Variants in AFF1 observed in about 807,000 individuals in gnomAD.
AFF1 encodes AF4/FMR2 family member 1.
AFF1 carries 48 observed loss-of-function variants against 121.7 expected under a neutral mutation model. That is an observed-to-expected ratio of 0.39 (90% CI 0.31 to 0.50). The LOEUF (loss-of-function observed/expected upper bound fraction) is 0.50, where lower values mean the gene tolerates loss of function less well. AFF1 is among the 20% of genes least tolerant of loss of function. The pLI, the probability that AFF1 is intolerant of heterozygous loss-of-function variation, is 0.76. For synonymous variants in AFF1, 613 were observed against 563.0 expected, an observed-to-expected ratio of 1.09 and a Z score of -1.26; for missense variants, 1,523 against 1,511.7, an observed-to-expected ratio of 1.01 and a Z score of -0.12.
Position 87,114,557 on chromosome 4 carries a change from G to C in AFF1, c.1724G>C (p.Ser575Thr). The change falls in exon 12 of 21, where the codon AGC (serine) becomes ACC (threonine). Residue 575 changes from serine to threonine, a missense_variant. Coordinates refer to ENST00000395146, the MANE Select transcript of AFF1 (RefSeq NM_001166693.3). ...AAAGATCCTCCCCCTAAAAGCTCCA[G>C]CAAAGCCCCCCGGGCCCCACCCGAA... ...ESKDPPPKSSSKAPRAPPEAP... is the reference protein window; with the variant it reads ...ESKDPPPKSSTKAPRAPPEAP... 1 of 1,609,106 alleles carries C rather than the reference G, an allele frequency of 6.2e-7. No individual in the cohort carries two copies. The highest frequency in any genetic ancestry group is 8.5e-7 in the Non-Finnish European group (1 of 1,178,064).
chr4:86,978,307 C>T (rs1723469390), intron 2 of AFF1, among the ~76,000 whole-genome samples: 1 of 149,310 alleles, frequency 6.7e-6, no homozygotes, highest in African/African-American at 2.5e-5. Flanking sequence ...CCTCAGCCTC[C>T]CGAAGAGCTG....
At chr4:87,018,861 C>T (rs542441683) in intron 2 of AFF1, among the ~76,000 whole-genome samples, 11 of 152,074 alleles carry the variant, frequency 7.2e-5, no homozygotes, top group African/African-American at 1.2e-4. Flanking sequence ...AAAAGAAATT[C>T]GAGAGGACAT....
intron 13 of AFF1, 50 bp downstream of exon 13, chr4:87,125,193 T>G (rs1728113477): frequency 6.9e-7 from 1 of 1,439,028 alleles, no homozygotes; most frequent in African/African-American, 1.4e-5. Flanking sequence ...CAACACTTCT[T>G]GGGTCTTGAC....
intron 1 of AFF1, among the ~76,000 whole-genome samples, chr4:86,943,955 C>G (rs1472820378): frequency 4.3e-5 from 2 of 46,680 alleles, no homozygotes; most frequent in African/African-American, 9.9e-5. Flanking sequence ...GAACGAAACT[C>G]TACCCAAAAT....
intron 2 of AFF1, among the ~76,000 whole-genome samples, chr4:86,991,629 G>A (rs1724727862): frequency 6.6e-6 from 1 of 151,964 alleles, no homozygotes; most frequent in African/African-American, 2.4e-5. Context: ...CTACCCTTAA[G>A]ACTCAGTAAC....
At chr4:87,090,815 A>T (rs1423203877) in intron 6 of AFF1, among the ~76,000 whole-genome samples, 1 of 151,484 alleles carries the variant, frequency 6.6e-6, no homozygotes, top group Non-Finnish European at 1.5e-5. Context: ...GGAGTTTAAG[A>T]CCAGCCTGGG....
chr4:87,106,055 C>T (rs1725879688), intron 10 of AFF1, among the ~76,000 whole-genome samples: 2 of 152,206 alleles, frequency 1.3e-5, no homozygotes, highest in African/African-American at 4.8e-5. Flanking sequence ...GCCCCACACT[C>T]ATCTACATCA....
At chr4:87,089,549 GTTC>G (rs1028499054) in intron 5 of AFF1, among the ~76,000 whole-genome samples, 4 of 152,198 alleles carry the variant, frequency 2.6e-5, no homozygotes, top group East Asian at 1.9e-4. Flanking sequence ...AAACAGGAAA[GTTC>G]TTCTTCCTTT....
At chr4:87,036,540 T>C (rs1462466586) in intron 2 of AFF1, among the ~76,000 whole-genome samples, 2 of 152,132 alleles carry the variant, frequency 1.3e-5, no homozygotes, top group African/African-American at 4.8e-5. Context: ...CATTAGCTCA[T>C]CTGTCTCCTC....
intron 1 of AFF1, among the ~76,000 whole-genome samples, chr4:86,937,802 TC>T (rs1720140723): frequency 6.7e-6 from 1 of 149,746 alleles, no homozygotes; most frequent in Non-Finnish European, 1.5e-5. Flanking sequence ...GGTGGGGGGC[TC>T]CCTATGTTAC....
chr4:87,026,192 T>C (rs1051290798), intron 2 of AFF1, among the ~76,000 whole-genome samples: 7 of 150,368 alleles, frequency 4.7e-5, no homozygotes, highest in African/African-American at 1.7e-4. Context: ...GCAACAAGAG[T>C]GAAACTCTGT....
In AFF1 at chr4:87,115,042, G is replaced by A. The variant is rs973197594; in HGVS notation, c.2209G>A (p.Val737Ile). ...RTSGCRQAVV[V>I]QEDSRKDRLP... ...TAGTGGCTGCCGCCAAGCCGTGGTG[G>A]TCCAGGAGGACAGCCGCAAAGACAG... The change falls in exon 12 of 21, where the codon GTC becomes ATC. Residue 737 changes from valine (V) to isoleucine (I), a missense_variant. Val to Ile is a conservative substitution (Grantham distance 29). Coordinates refer to ENST00000395146, the MANE Select transcript of AFF1 (RefSeq NM_001166693.3). 6 of 1,614,148 alleles carry A rather than the reference G, an allele frequency of 3.7e-6. No homozygotes were observed. The highest frequency in any genetic ancestry group is 5.1e-6 in the Non-Finnish European group (6 of 1,180,036).
chr4:86,977,347 ACTT>A (rs1179468540), intron 2 of AFF1, among the ~76,000 whole-genome samples: 1 of 152,290 alleles, frequency 6.6e-6, no homozygotes, highest in Admixed American at 6.5e-5. Context: ...TCATCACACT[ACTT>A]AGAATTGTGT....
At chr4:87,092,930 G>T (rs781235248) in intron 7 of AFF1, among the ~76,000 whole-genome samples, 6 of 152,128 alleles carry the variant, frequency 3.9e-5, no homozygotes, top group Non-Finnish European at 7.4e-5. Context: ...CAGCTCAGCC[G>T]TGGGTGGGGT....
intron 4 of AFF1, among the ~76,000 whole-genome samples, chr4:87,069,995 T>C (rs1721858755): frequency 6.6e-6 from 1 of 150,840 alleles, no homozygotes; most frequent in East Asian, 2.0e-4. Context: ...TAATTTTTTG[T>C]TGTTGGTTTT....
intron 2 of AFF1, among the ~76,000 whole-genome samples, chr4:87,015,945 C>T (rs908548264): frequency 2.0e-5 from 3 of 152,200 alleles, no homozygotes; most frequent in Non-Finnish European, 4.4e-5. Context: ...CTCTGGGAGG[C>T]CCAGGCAGGC....
Position 87,013,058 on chromosome 4 carries a change from T to G in AFF1, c.39-33108T>G, listed in dbSNP as rs997064509. On this transcript the variant is annotated intron_variant, in intron 2 of 20. Transcript: ENST00000395146. ...TTTTTTTTTTTTTTTTTTTTTTTTT[T>G]GGGAGACGGAGTTTCGCTCTTGTTG... is the stretch of plus-strand genomic sequence containing the variant. 9.6e-4 allele frequency among the ~76,000 whole-genome samples: 69 copies of G among 71,620 alleles called. 1 individual carries two copies. Among genetic ancestry groups the G allele is most frequent in the South Asian group, 6.9e-3 (12 of 1,732 alleles). The allele number at this position is 71,620 out of a possible 152,430, so 47.0% of individuals were successfully genotyped here.
At chr4:87,080,405 A>G (rs1159425136) in intron 4 of AFF1, among the ~76,000 whole-genome samples, 1 of 152,158 alleles carries the variant, frequency 6.6e-6, no homozygotes, top group African/African-American at 2.4e-5. Flanking sequence ...GCCTTATCTC[A>G]GTTGTGGCTT....
chr4:86,948,712 T>TCTA, intron 2 of AFF1, 141 bp downstream of exon 2: 4 of 794,090 alleles, frequency 5.0e-6, no homozygotes, highest in Non-Finnish European at 7.8e-6. Context: ...TTCAGTTTTC[T>TCTA]CTACATGAAG....
Sources: allele counts gnomAD v4.1 joint callset (sites outside exome capture counted in the v4.1 genomes callset), GRCh38; gene constraint gnomAD v4.1.1; transcripts MANE v1.5; gene names NCBI Gene and HGNC (gene_info 2026-07-23, HGNC 2026-07-21).